The following SPATA17 variants were observed in gnomAD, a reference collection of about 807,000 sequenced individuals.
SPATA17 encodes spermatogenesis-associated protein 17.
In SPATA17, 53 loss-of-function variants were observed where a neutral mutation model predicts 62.2. The ratio of observed to expected loss-of-function variants is 0.85; its 90% confidence interval spans 0.68 to 1.07. The LOEUF is 1.07. Ranked by LOEUF, SPATA17 falls within the 50% of genes least tolerant of loss-of-function variation. SPATA17 has a pLI of 0.00. For synonymous variants in SPATA17, 146 were observed against 146.8 expected (o/e 0.99, Z 0.04); for missense variants, 466 against 425.5 (o/e 1.10, Z -0.84).
At chr1:217,687,887 T>C (rs955405824) in intron 5 of SPATA17, among the ~76,000 whole-genome samples, 6 of 152,246 alleles carry the variant, frequency 3.9e-5, no homozygotes, top group Non-Finnish European at 8.8e-5. Flanking sequence ...ACTTTCATTA[T>C]TGTAACCATT....
At chr1:217,655,505 C>T (rs1670422930) in intron 3 of SPATA17, among the ~76,000 whole-genome samples, 1 of 152,076 alleles carries the variant, frequency 6.6e-6, no homozygotes, top group Admixed American at 6.6e-5. Context: ...TATACATCTT[C>T]TTCCTCATTA....
chr1:217,818,210 T>A (rs1318362881), intron 9 of SPATA17, among the ~76,000 whole-genome samples: 2 of 152,022 alleles, frequency 1.3e-5, no homozygotes, highest in Non-Finnish European at 2.9e-5. Context: ...AGAAAGTAAG[T>A]TTGCACTTGA....
chr1:217,801,652 C>G, intron 8 of SPATA17, 66 bp from the exon 9 acceptor site: 3 of 1,372,878 alleles, frequency 2.2e-6, no homozygotes, highest in Non-Finnish European at 3.0e-6. Flanking sequence ...TTCTACAAAG[C>G]CTTATTTTAA....
At chr1:217,670,714 G>A (rs1323136916) in intron 4 of SPATA17, among the ~76,000 whole-genome samples, 2 of 152,122 alleles carry the variant, frequency 1.3e-5, no homozygotes, top group African/African-American at 2.4e-5. Flanking sequence ...ATTTTGAGAG[G>A]CCACGGAGGG....
At chr1:217,749,981 C>CTATATATATATATATA (rs1248987599) in intron 6 of SPATA17, among the ~76,000 whole-genome samples, 14 of 27,016 alleles carry the variant, frequency 5.2e-4, no homozygotes, top group African/African-American at 9.7e-4. Context: ...CTCTCTCTCT[C>CTATATATATATATATA]TCTCTATATA....
chr1:217,815,493 C>T (rs983099711), intron 9 of SPATA17, among the ~76,000 whole-genome samples: 2 of 151,940 alleles, frequency 1.3e-5, no homozygotes, highest in African/African-American at 4.8e-5. Flanking sequence ...ATATCTTTGC[C>T]CTAAAGATTT....
chr1:217,733,311 T>C (rs1672439073), intron 5 of SPATA17, among the ~76,000 whole-genome samples: 1 of 152,252 alleles, frequency 6.6e-6, no homozygotes, highest in Admixed American at 6.5e-5. Flanking sequence ...TTGCTGTTGA[T>C]GGTCAAAGCC....
intron 3 of SPATA17, among the ~76,000 whole-genome samples, chr1:217,656,610 T>C (rs1670450931): frequency 6.6e-6 from 1 of 152,190 alleles, no homozygotes; most frequent in Non-Finnish European, 1.5e-5. Flanking sequence ...GTGTACACAC[T>C]GCCTAACATA....
At chr1:217,847,712 A>G (rs1675559801) in intron 9 of SPATA17, among the ~76,000 whole-genome samples, 1 of 152,134 alleles carries the variant, frequency 6.6e-6, no homozygotes, top group Non-Finnish European at 1.5e-5. Flanking sequence ...ATATTTAGGT[A>G]TTTAAGGTAA....
chr1:217,699,552 T>C (rs1027400135), intron 5 of SPATA17, among the ~76,000 whole-genome samples: 3 of 152,190 alleles, frequency 2.0e-5, no homozygotes, highest in Non-Finnish European at 4.4e-5. Flanking sequence ...CTAATTAGAT[T>C]ATATTTTTAT....
chr1:217,747,606 T>C (rs1416009758), intron 6 of SPATA17, among the ~76,000 whole-genome samples: 1 of 152,064 alleles, frequency 6.6e-6, no homozygotes, highest in African/African-American at 2.4e-5. Flanking sequence ...AAAGTGATAA[T>C]AAAAAAGGTA....
At chr1:217,865,215 A>G (rs1189031138) in intron 10 of SPATA17, among the ~76,000 whole-genome samples, 2 of 152,162 alleles carry the variant, frequency 1.3e-5, no homozygotes, top group African/African-American at 4.8e-5. Flanking sequence ...TGCCATAGTA[A>G]TTTTTAGAGC....
chr1:217,837,098 C>T (rs1286184990), intron 9 of SPATA17, among the ~76,000 whole-genome samples: 2 of 151,970 alleles, frequency 1.3e-5, no homozygotes, highest in East Asian at 1.9e-4. Flanking sequence ...AATGGCTTGG[C>T]CTACTCAAAT....
chr1:217,850,504 T>A, intron 9 of SPATA17: 1 of 1,536,872 alleles, frequency 6.5e-7, no homozygotes, highest in Non-Finnish European at 9.0e-7. Flanking sequence ...CCTGCAAAGA[T>A]GAGCCTCTGC....
intron 9 of SPATA17, among the ~76,000 whole-genome samples, chr1:217,813,608 C>G (rs1183181828): frequency 1.3e-5 from 2 of 151,972 alleles, no homozygotes; most frequent in African/African-American, 4.8e-5. Context: ...AAATATTTTG[C>G]TTATGAGGAT....
At chr1:217,757,047 A>G (rs1673061448) in intron 6 of SPATA17, among the ~76,000 whole-genome samples, 1 of 152,196 alleles carries the variant, frequency 6.6e-6, no homozygotes, top group Non-Finnish European at 1.5e-5. Context: ...GATAAAACGG[A>G]AGATTCATTT....
At chr1:217,757,572 G>A (rs1470610749) in intron 6 of SPATA17, among the ~76,000 whole-genome samples, 2 of 152,144 alleles carry the variant, frequency 1.3e-5, no homozygotes, top group African/African-American at 4.8e-5. Flanking sequence ...CTGAAGGGCA[G>A]AGAGAAGCCC....
At chr1:217,778,660 G>A (rs1173234564) in intron 7 of SPATA17, among the ~76,000 whole-genome samples, 1 of 152,080 alleles carries the variant, frequency 6.6e-6, no homozygotes, top group African/African-American at 2.4e-5. Flanking sequence ...TAAAATAAGG[G>A]CATGTAAATA....
intron 8 of SPATA17, 65 bp downstream of exon 8, chr1:217,782,387 T>A: frequency 1.4e-6 from 2 of 1,468,568 alleles, no homozygotes; most frequent in Non-Finnish European, 1.8e-6. Flanking sequence ...CTAATTTTTT[T>A]ATTTTCTAAT....
Sources: allele counts gnomAD v4.1 joint callset (sites outside exome capture counted in the v4.1 genomes callset), GRCh38; gene constraint gnomAD v4.1.1; transcripts MANE v1.5; gene names NCBI Gene and HGNC (gene_info 2026-07-23, HGNC 2026-07-21).